Variants in MYH16 observed in about 807,000 individuals in gnomAD.
MYH16 encodes the protein putative uncharacterized protein MYH16.
intron 30 of MYH16, among the ~76,000 whole-genome samples, chr7:99,289,903 T>C (rs1792343604): frequency 6.6e-6 from 1 of 152,154 alleles, no homozygotes; most frequent in Non-Finnish European, 1.5e-5. Context: ...ACCTCTGGGT[T>C]TAGTTTAGGA....
intron 8 of MYH16, among the ~76,000 whole-genome samples, chr7:99,254,499 G>C (rs375388830): frequency 6.6e-6 from 1 of 152,224 alleles, no homozygotes; most frequent in East Asian, 1.9e-4. Flanking sequence ...ATCAGCCCAA[G>C]ACCATGATCA....
chr7:99,281,201 G>A (rs955834028), intron 23 of MYH16, among the ~76,000 whole-genome samples: 2 of 152,146 alleles, frequency 1.3e-5, no homozygotes, highest in Admixed American at 6.5e-5. Flanking sequence ...TATAAGTGGG[G>A]TGACAATATA....
At chr7:99,291,618 C>CA (rs1159119574) in intron 31 of MYH16, among the ~76,000 whole-genome samples, 168 bp downstream of exon 12, 4 of 4,844 alleles carry the variant, frequency 8.3e-4, no homozygotes, top group Non-Finnish European at 5.9e-3. Flanking sequence ...CACAGCAAGA[C>CA]CCCCCCCCAC....
chr7:99,297,305 C>T (rs564152946), intron 34 of MYH16, among the ~76,000 whole-genome samples: 11 of 151,672 alleles, frequency 7.3e-5, no homozygotes, highest in Non-Finnish European at 1.3e-4. Context: ...TGGTGGCGGG[C>T]GCCTGTAGTC....
intron 33 of MYH16, among the ~76,000 whole-genome samples, chr7:99,296,277 G>C (rs985922371): frequency 1.3e-5 from 2 of 152,014 alleles, no homozygotes; most frequent in African/African-American, 4.8e-5. Context: ...GTTATGAGAC[G>C]GATGAAATCT....
intron 38 of MYH16, among the ~76,000 whole-genome samples, chr7:99,302,317 T>TATACACACACACAC (rs1184408879): frequency 5.2e-5 from 5 of 95,562 alleles, no homozygotes; most frequent in African/African-American, 2.3e-4. Context: ...AAAAAATATA[T>TATACACACACACAC]ACACACACAC....
chr7:99,307,163 G>A (rs1350962680), downstream of MYH16, among the ~76,000 whole-genome samples: 1 of 152,126 alleles, frequency 6.6e-6, no homozygotes, highest in Non-Finnish European at 1.5e-5. Context: ...GAACCTAGGT[G>A]CTTAGTACAG....
intron 29 of MYH16, 26 bp from the exon 11 acceptor site, chr7:99,289,261 C>T: frequency 3.2e-6 from 1 of 309,090 alleles, no homozygotes. Flanking sequence ...CGCAACTTCC[C>T]CACTGAGTTC....
chr7:99,249,552 AAAAAG>A (rs1334610558), intron 4 of MYH16, among the ~76,000 whole-genome samples: 10 of 150,884 alleles, frequency 6.6e-5, no homozygotes, highest in African/African-American at 1.5e-4. Flanking sequence ...AAAAAAAAAA[AAAAAG>A]AAAAGAAAAG....
rs1792257713 is a variant in MYH16 at position 99,284,951 on chromosome 7, A to C, written n.3316+16A>C. The C allele has an allele frequency of 1.1e-5, 5 of 456,572 alleles. No individual in the cohort carries two copies. The highest frequency in any genetic ancestry group is 1.8e-5 in the Non-Finnish European group (4 of 226,970). 28.3% of individuals were successfully genotyped at this position (456,572 alleles called of 1,614,324 possible). The stretch of plus-strand genomic sequence containing the variant: ...GGAGCACCAGGTATGTCCAGGACCG[A>C]GAAGCATGAGCTCTCTGTCAGAAAT... On this transcript the variant is annotated intron_variant and non_coding_transcript_variant, in intron 26 of 41. Transcript: ENST00000439784.
chr7:99,303,514 C>T (rs1345727766), intron 39 of MYH16, among the ~76,000 whole-genome samples: 2 of 152,236 alleles, frequency 1.3e-5, no homozygotes, highest in African/African-American at 2.4e-5. Flanking sequence ...ATTAAAACAG[C>T]CTTGGGCCAG....
chr7:99,284,288 C>T (rs1238070910), intron 25 of MYH16, among the ~76,000 whole-genome samples: 11 of 152,082 alleles, frequency 7.2e-5, no homozygotes, highest in African/African-American at 4.8e-5. Context: ...GGCAGGGAGG[C>T]GTCATAAAAG....
intron 25 of MYH16, among the ~76,000 whole-genome samples, 187 bp downstream of exon 7, chr7:99,284,205 G>A (rs1244712595): frequency 6.6e-6 from 1 of 152,154 alleles, no homozygotes; most frequent in Non-Finnish European, 1.5e-5. Context: ...AATGCCCAGT[G>A]TCACACAATA....
At chr7:99,289,401 CA>C in exon 30 of MYH16, 1 of 435,478 alleles carries the variant, frequency 2.3e-6, no homozygotes, top group Non-Finnish European at 4.6e-6. Flanking sequence ...GACCCGCCTC[CA>C]AGGTGAGCCC....
intron 28 of MYH16, among the ~76,000 whole-genome samples, chr7:99,287,166 T>C (rs895735122): frequency 2.0e-5 from 3 of 152,000 alleles, no homozygotes; most frequent in Non-Finnish European, 4.4e-5. Context: ...ACAATCTCAG[T>C]GGACTGTGGG....
intron 32 of MYH16, among the ~76,000 whole-genome samples, chr7:99,293,156 A>G (rs1792416620): frequency 6.6e-6 from 1 of 152,136 alleles, no homozygotes; most frequent in Admixed American, 6.5e-5. Flanking sequence ...ATCAAAGAAC[A>G]TGGTCAACTT....
chr7:99,273,886 A>G (rs1164422061), intron 20 of MYH16, among the ~76,000 whole-genome samples: 8 of 145,168 alleles, frequency 5.5e-5, no homozygotes, highest in African/African-American at 1.8e-4. Flanking sequence ...AGGAAGGGAG[A>G]GATGAAAGGG....
At chr7:99,292,412 A>G (rs1374421433) in exon 32 of MYH16, 1 of 457,746 alleles carries the variant, frequency 2.2e-6, no homozygotes. Context: ...TCAGAGCTGC[A>G]GCGCCTCGTG....
chr7:99,275,375 TC>T (rs1792098137), intron 20 of MYH16, among the ~76,000 whole-genome samples: 1 of 152,092 alleles, frequency 6.6e-6, no homozygotes. Context: ...CAAGTGATCC[TC>T]CCCAGCCTCC....
Sources: gnomAD v4.1 joint callset for allele counts (sites outside exome capture counted in the v4.1 genomes callset) on GRCh38, gnomAD v4.1.1 for gene constraint, MANE v1.5 for transcripts, NCBI Gene and HGNC (gene_info 2026-07-23, HGNC 2026-07-21) for gene names.